Variants in KLHL11 observed in about 807,000 individuals in gnomAD.
KLHL11 encodes kelch-like protein 11.
KLHL11 carries 26 observed loss-of-function variants against 56.1 expected under a neutral mutation model. That is an observed-to-expected ratio of 0.46 (90% CI 0.34 to 0.64). KLHL11 has a LOEUF of 0.64. Ranked by LOEUF, KLHL11 falls within the 30% of genes least tolerant of loss-of-function variation. The probability of loss-of-function intolerance (pLI) is 0.01; values close to 1 mark genes in which losing one functional copy is unlikely to be tolerated. For synonymous variants in KLHL11, 338 were observed against 345.8 expected, an observed-to-expected ratio of 0.98 and a Z score of 0.25; for missense variants, 627 against 919.4, an observed-to-expected ratio of 0.68 and a Z score of 4.11.
Position 41,853,593 on chromosome 17 carries a change from T to C in KLHL11, c.*147A>G. 2.2e-6 allele frequency: 2 copies of C among 914,634 alleles called. No individual in the cohort carries two copies. Among genetic ancestry groups the C allele is most frequent in the Non-Finnish European group, 3.1e-6 (2 of 637,922 alleles). The allele number at this position is 914,634 out of a possible 1,614,324, so 56.7% of individuals were successfully genotyped here. A position where few individuals can be genotyped will look rare whatever the true frequency, so the allele number is the denominator to read the frequency against. ...GTATTGAACTGAGTCTCCCATTCTT[T>C]AGTTTTTAACTCTATTTCCTTTATA... On this transcript the variant is annotated 3_prime_UTR_variant, in exon 2 of 2. Coordinates refer to ENST00000319121, the MANE Select transcript of KLHL11 (RefSeq NM_018143.3).
At chr17:41,862,213 TGAG>T (rs1343850505) in intron 1 of KLHL11, among the ~76,000 whole-genome samples, 2 of 151,966 alleles carry the variant, frequency 1.3e-5, no homozygotes, top group East Asian at 3.9e-4. Context: ...CTCAGCCTCC[TGAG>T]TAGTTGGGAT....
Position 41,863,828 on chromosome 17 carries a change from T to C in KLHL11, c.545+998A>G, listed in dbSNP as rs113733870. ...CGTCTTCTTCATAGGGCATTCTCTA[T>C]CCACCCAATTTGGAAAACACTTCCT... is the stretch of plus-strand genomic sequence containing the variant. On this transcript the variant is annotated intron_variant, in intron 1 of 1. Transcript: ENST00000319121. Among the ~76,000 whole-genome samples, 236 of 152,308 alleles carry C rather than the reference T, an allele frequency of 1.5e-3. 2 individuals are homozygous for C. Among genetic ancestry groups the C allele is most frequent in the African/African-American group, 5.5e-3 (227 of 41,558 alleles).
At position 41,865,202 on chromosome 17, in the gene KLHL11, T is replaced by C. The variant is rs782812278; in HGVS notation, c.169A>G (p.Met57Val). 8 of 1,607,656 alleles carry C rather than the reference T, an allele frequency of 5.0e-6. No homozygotes were observed. Among genetic ancestry groups the C allele is most frequent in the African/African-American group, 1.3e-5 (1 of 74,640 alleles). Residue 57 changes from methionine (M) to valine (V), a missense_variant, in exon 1 of 2, where the codon ATG (methionine) becomes GTG (valine). Met to Val is a conservative substitution (Grantham distance 21). Coordinates refer to ENST00000319121, the MANE Select transcript of KLHL11 (RefSeq NM_018143.3). ...DFGPGPGISA[M>V]EASGGDPGPE... ...CCCGGATCGCCCCCGCTCGCCTCCA[T>C]TGCAGAGATCCCCGGCCCAGGCCCG...
chr17:41,861,814 T>C (rs1180465507), intron 1 of KLHL11, among the ~76,000 whole-genome samples: 4 of 152,088 alleles, frequency 2.6e-5, no homozygotes, highest in Admixed American at 1.3e-4. Flanking sequence ...CCTGCAATTA[T>C]TCCCCTGCTC....
Position 41,851,909 on chromosome 17 carries a change from C to T in KLHL11, c.*1831G>A, listed in dbSNP as rs575240847. 7.9e-4 allele frequency among the ~76,000 whole-genome samples: 119 copies of T among 151,194 alleles called. 1 individual carries two copies. The highest frequency in any genetic ancestry group is 2.8e-3 in the African/African-American group (116 of 41,206). On this transcript the variant is annotated 3_prime_UTR_variant, in exon 2 of 2. Coordinates refer to ENST00000319121, the MANE Select transcript of KLHL11 (RefSeq NM_018143.3). ...CTGGGTGACAAAGTGGGACCCCATC[C>T]CCTGGCCCAAAAAAAAAAAAAAGTC...
At chr17:41,864,710 ATGCATTCAC>A in intron 1 of KLHL11, 107 bp downstream of exon 1, 1 of 1,064,998 alleles carries the variant, frequency 9.4e-7, no homozygotes. Flanking sequence ...TGTGAAACCA[ATGCATTCAC>A]TCAGGACTCG....
In KLHL11 at chr17:41,850,392, CAGA is replaced by C. The variant is rs2048326277; in HGVS notation, c.*3345_*3347del. ...ACAGTTTCAATCAAGGTTTTAAAACCAGATTATGCCTAAATCTTATGAGTTATA... is the reference window on the plus strand; with the variant it reads ...ACAGTTTCAATCAAGGTTTTAAAACCTTATGCCTAAATCTTATGAGTTATA... On this transcript the variant is annotated 3_prime_UTR_variant, in exon 2 of 2. Coordinates refer to ENST00000319121, the MANE Select transcript of KLHL11 (RefSeq NM_018143.3). The C allele has an allele frequency of 6.6e-6, 1 of 152,016 alleles. No homozygotes were observed. Among genetic ancestry groups the C allele is most frequent in the African/African-American group, 2.4e-5 (1 of 41,358 alleles). The allele number at this position is 152,016 out of a possible 1,614,324, so 9.4% of individuals were successfully genotyped here.
intron 1 of KLHL11, among the ~76,000 whole-genome samples, chr17:41,864,200 C>T (rs2048422415): frequency 6.6e-6 from 1 of 152,212 alleles, no homozygotes; most frequent in Non-Finnish European, 1.5e-5. Context: ...ATTCCTGCTC[C>T]CTACAATCCG....
In KLHL11 at chr17:41,854,292, A is replaced by G. The variant is rs782169363; in HGVS notation, c.1575T>C (p.Thr525=). The G allele has an allele frequency of 6.8e-6, 11 of 1,614,074 alleles. No homozygotes were observed. In the African/African-American group the frequency reaches 1.3e-4, roughly 20 times the overall value. ...DTEDGLKAVI[T]CYDTETRQWQ... ...ACTGTCGAGTCTCTGTATCATAGCA[A>G]GTAATTACAGCCTTTAATCCATCTT... The change falls in exon 2 of 2, where the codon ACT becomes ACC. Residue 525 remains threonine (T), a synonymous_variant. Coordinates refer to ENST00000319121, the MANE Select transcript of KLHL11 (RefSeq NM_018143.3). This position sits in a 1 kb window ranked among gnomAD's most constrained non-coding sequence, Gnocchi z 4.9.
At chr17:41,862,570 G>A (rs1025531319) in intron 1 of KLHL11, among the ~76,000 whole-genome samples, 5 of 151,562 alleles carry the variant, frequency 3.3e-5, no homozygotes, top group African/African-American at 1.2e-4. Flanking sequence ...GTGAGCCACC[G>A]CGCCCGGCCT....
chr17:41,855,092 T>C lies in KLHL11; in HGVS notation c.775A>G (p.Thr259Ala). ...AAGAGAACCTCTTCAGAATCAACTGTAATTTCCAAATCTGAAAGCCAGTCT... is the reference window on the plus strand; with the variant it reads ...AAGAGAACCTCTTCAGAATCAACTGCAATTTCCAAATCTGAAAGCCAGTCT... ...IRDWLSDLEITVDSEEVLFET... is the reference protein window; with the variant it reads ...IRDWLSDLEIAVDSEEVLFET... Residue 259 changes from threonine (T) to alanine (A), a missense_variant, in exon 2 of 2, where the codon ACA becomes GCA. Around this residue, in one of 4 missense-constraint regions of KLHL11, gnomAD observed 106 missense variants for 227.0 expected, o/e 0.47. Coordinates refer to ENST00000319121, the MANE Select transcript of KLHL11 (RefSeq NM_018143.3). The C allele has an allele frequency of 6.2e-7, 1 of 1,614,182 alleles. No individual in the cohort carries two copies. The highest frequency in any genetic ancestry group is 8.5e-7 in the Non-Finnish European group (1 of 1,180,030).
intron 1 of KLHL11, among the ~76,000 whole-genome samples, chr17:41,855,537 T>G (rs532965251): frequency 2.0e-5 from 3 of 152,190 alleles, no homozygotes; most frequent in South Asian, 2.1e-4. Context: ...GTCCAGCTAA[T>G]TTTTGTATTT....
At chr17:41,864,697 G>T in intron 1 of KLHL11, 129 bp downstream of exon 1, 1 of 974,250 alleles carries the variant, frequency 1.0e-6, no homozygotes, top group Non-Finnish European at 1.4e-6. Flanking sequence ...GGCGCTCAGC[G>T]AGTGTGAAAC....
intron 1 of KLHL11, among the ~76,000 whole-genome samples, chr17:41,859,707 C>T (rs2048391061): frequency 6.6e-6 from 1 of 152,108 alleles, no homozygotes; most frequent in African/African-American, 2.4e-5. Context: ...GAGATCACGC[C>T]ACTGCACTCC....
rs1555622384 is a variant in KLHL11, at chr17:41,855,037, T to C, written c.830A>G (p.Asn277Ser). 1 of 1,614,128 alleles carries C rather than the reference T, an allele frequency of 6.2e-7. No homozygotes were observed. The highest frequency in any genetic ancestry group is 1.7e-5 in the Admixed American group (1 of 60,032). The change falls in exon 2 of 2, where the codon AAT becomes AGT. Residue 277 changes from asparagine to serine, a missense_variant. Asn to Ser is a conservative substitution (Grantham distance 46, BLOSUM62 1). Coordinates refer to ENST00000319121, the MANE Select transcript of KLHL11 (RefSeq NM_018143.3). ...AAAGTATCTCTCTCTCTCTTCAGCATTTCTCTGAACCCATTTCAAAACGGT... is the reference window on the plus strand; with the variant it reads ...AAAGTATCTCTCTCTCTCTTCAGCACTTCTCTGAACCCATTTCAAAACGGT... ...FETVLKWVQR[N>S]AEERERYFEE... is the part of the protein sequence containing the mutation.
chr17:41,862,776 T>C (rs1182137188), intron 1 of KLHL11, among the ~76,000 whole-genome samples: 2 of 152,124 alleles, frequency 1.3e-5, no homozygotes, highest in Admixed American at 6.5e-5. Context: ...CTATGTATAC[T>C]CCTTAAGTAA....
Position 41,848,639 on chromosome 17 carries a change from A to C in KLHL11, c.*5101T>G. ...CAATGTCATGTCTCAAGGTGTTCTA[A>C]ATGCTACATCTCCTCTGAGTTAAGG... is the stretch of plus-strand genomic sequence containing the variant. On this transcript the variant is annotated 3_prime_UTR_variant, in exon 2 of 2. Coordinates refer to ENST00000319121, the MANE Select transcript of KLHL11 (RefSeq NM_018143.3). The C allele has an allele frequency of 4.3e-6, 1 of 231,192 alleles. No individual in the cohort carries two copies. Among genetic ancestry groups the C allele is most frequent in the Non-Finnish European group, 8.6e-6 (1 of 116,052 alleles). 14.3% of individuals were successfully genotyped at this position (231,192 alleles called of 1,614,324 possible).
rs1555622318 is a variant in KLHL11, at chr17:41,854,439, A to G, written c.1428T>C (p.Pro476=). 6.2e-7 allele frequency: 1 copy of G among 1,614,104 alleles called. No homozygotes were observed. Among genetic ancestry groups the G allele is most frequent in the East Asian group, 2.2e-5 (1 of 44,900 alleles). ...CCAAGTTGTGCCATTTATCAAGCTC[A>G]GGATTATAAACAGTCACATCTTTAA... The part of the protein sequence containing the change: ...PGFKDVTVYN[P]ELDKWHNLES... The change falls in exon 2 of 2, where the codon CCT becomes CCC. Residue 476 remains proline (P), a synonymous_variant. Coordinates refer to ENST00000319121, the MANE Select transcript of KLHL11 (RefSeq NM_018143.3). The surrounding 1 kb of genome is among the most constrained non-coding windows in gnomAD (Gnocchi z 4.9).
At chr17:41,857,462 G>A (rs1555622664) in intron 1 of KLHL11, among the ~76,000 whole-genome samples, 1 of 147,732 alleles carries the variant, frequency 6.8e-6, no homozygotes, top group East Asian at 2.0e-4. Context: ...AGCCAGGATC[G>A]CACCACTGTA....
Sources: gnomAD v4.1 joint callset for allele counts (sites outside exome capture counted in the v4.1 genomes callset) on GRCh38, gnomAD v4.1.1 for gene constraint, gnomAD v4.1.1 regional missense constraint, Gnocchi (gnomAD v3.1) non-coding constraint, MANE v1.5 for transcripts, NCBI Gene and HGNC (gene_info 2026-07-23, HGNC 2026-07-21) for gene names.